Variants in NLGN1 observed in about 807,000 individuals in gnomAD.
NLGN1 encodes neuroligin 1, also known as neuroligin-1.
A neutral mutation model predicts 65.5 loss-of-function variants in NLGN1; 12 were observed. The observed-to-expected ratio is 0.18, with a 90% confidence interval of 0.12 to 0.30. The LOEUF is 0.30. NLGN1 is among the 10% of genes least tolerant of loss of function. The pLI is 1.00. For missense variants in NLGN1, 750 were observed against 1,007.1 expected, an observed-to-expected ratio of 0.74 and a Z score of 3.46; for synonymous variants, 350 against 359.5, an observed-to-expected ratio of 0.97 and a Z score of 0.30.
At chr3:174,176,135 C>G (rs1561221585) in intron 4 of NLGN1, among the ~76,000 whole-genome samples, 1 of 151,746 alleles carries the variant, frequency 6.6e-6, no homozygotes, top group Non-Finnish European at 1.5e-5. Context: ...CTTTATTTTA[C>G]TATGTAATTT....
chr3:173,929,912 C>G (rs925113882), intron 4 of NLGN1, among the ~76,000 whole-genome samples: 2 of 152,060 alleles, frequency 1.3e-5, no homozygotes, highest in Non-Finnish European at 2.9e-5. Flanking sequence ...CCATGTTGGT[C>G]AGGCTGGTCT....
chr3:174,127,726 T>G (rs1400683649), intron 4 of NLGN1, among the ~76,000 whole-genome samples: 1 of 152,156 alleles, frequency 6.6e-6, no homozygotes, highest in Non-Finnish European at 1.5e-5. Flanking sequence ...CTGGCAATTT[T>G]CTTCCCAACT....
In NLGN1 at chr3:174,116,330, C is replaced by CTTTTT. The variant is rs1168837585; in HGVS notation, c.647-158962_647-158958dup. ...ACATGTAAGTTTTTTTCTGGGTTTT[C>CTTTTT]TTTTTTTTTTTTTTTTTTTTTTTTT... On this transcript the variant is annotated intron_variant, in intron 4 of 6. Transcript: ENST00000457714. Among the ~76,000 whole-genome samples the CTTTTT allele has an allele frequency of 8.8e-4, 61 of 69,652 alleles. 22 individuals are homozygous for CTTTTT. Among genetic ancestry groups the CTTTTT allele is most frequent in the East Asian group, 1.4e-3 (3 of 2,152 alleles). The allele number at this position is 69,652 out of a possible 152,430, so 45.7% of individuals were successfully genotyped here.
intron 4 of NLGN1, among the ~76,000 whole-genome samples, chr3:174,212,212 C>G (rs1438175893): frequency 1.3e-5 from 2 of 152,200 alleles, no homozygotes; most frequent in African/African-American, 2.4e-5. Flanking sequence ...GCTGCTGGCC[C>G]GGGTGCTAAG....
rs1718246549 is a variant in NLGN1 at position 173,979,316 on chromosome 3, A to G, written c.646+171484A>G. ...TTTGTTTGATGAGAAACACCTGGGC[A>G]TGTTAAAGGATGATAGGAATAATCC... On this transcript the variant is annotated intron_variant, in intron 4 of 6. Coordinates refer to ENST00000457714, the Ensembl canonical transcript of NLGN1. Among the ~76,000 whole-genome samples the G allele has an allele frequency of 2.0e-5, 3 of 152,126 alleles. No individual in the cohort carries two copies. In the South Asian group the frequency reaches 6.2e-4, roughly 31 times the overall value.
At chr3:174,287,904 A>C (rs752744016), downstream of NLGN1, among the ~76,000 whole-genome samples, 2 of 151,594 alleles carry the variant, frequency 1.3e-5, no homozygotes, top group Non-Finnish European at 3.0e-5. Context: ...CAGGCAGGTT[A>C]GAAGCTAGTG....
At chr3:173,838,096 T>G (rs1046814080) in intron 4 of NLGN1, among the ~76,000 whole-genome samples, 3 of 152,104 alleles carry the variant, frequency 2.0e-5, no homozygotes, top group African/African-American at 7.2e-5. Flanking sequence ...AGAATGAGAT[T>G]TTTTTGATTC....
intron 2 of NLGN1, among the ~76,000 whole-genome samples, chr3:173,510,480 T>C (rs926959095): frequency 6.6e-6 from 1 of 152,206 alleles, no homozygotes; most frequent in African/African-American, 2.4e-5. Context: ...AAGGTTCAGG[T>C]AGATAAATAC....
At chr3:174,213,567 A>G (rs1243894174) in intron 4 of NLGN1, among the ~76,000 whole-genome samples, 2 of 152,208 alleles carry the variant, frequency 1.3e-5, no homozygotes. Context: ...CTTTGTGGTT[A>G]TTCTTTTCTA....
Position 174,278,849 on chromosome 3 carries a change from A to AT in NLGN1, c.860-8dup. ...AAAGATCATCTAAAATTCTTTGTTG[A>AT]TTTTCCCATAGGACTTTTTCAACGA... On this transcript the variant is annotated splice_polypyrimidine_tract_variant and intron_variant, in intron 5 of 6. Transcript: ENST00000457714. 2 of 1,469,006 alleles carry AT rather than the reference A, an allele frequency of 1.4e-6. No homozygotes were observed. 91.0% of individuals were successfully genotyped at this position (1,469,006 alleles called of 1,614,324 possible). A position where few individuals can be genotyped will look rare whatever the true frequency, so the allele number is the denominator to read the frequency against.
At chr3:173,641,006 A>G (rs560755379) in intron 3 of NLGN1, among the ~76,000 whole-genome samples, 153 of 152,232 alleles carry the variant, frequency 1.0e-3, no homozygotes, top group African/African-American at 3.6e-3. Flanking sequence ...TTTTCTCTTC[A>G]TGATTAATAA....
intron 3 of NLGN1, among the ~76,000 whole-genome samples, chr3:173,745,415 TTTAA>T (rs1184378974): frequency 6.6e-6 from 1 of 152,164 alleles, no homozygotes; most frequent in African/African-American, 2.4e-5. Context: ...AATTTACTAA[TTTAA>T]TTAAATAAAT....
chr3:174,086,291 A>ATT, intron 4 of NLGN1, among the ~76,000 whole-genome samples: 2 of 150,832 alleles, frequency 1.3e-5, no homozygotes, highest in East Asian at 3.9e-4. Context: ...ATAAATATAT[A>ATT]TATATTTATG....
intron 4 of NLGN1, among the ~76,000 whole-genome samples, chr3:173,912,267 T>C (rs1212501407): frequency 6.6e-6 from 1 of 152,190 alleles, no homozygotes; most frequent in Admixed American, 6.5e-5. Flanking sequence ...CACTCTTTGA[T>C]TCAACAATTC....
At chr3:173,900,796 A>C (rs937190291) in intron 4 of NLGN1, among the ~76,000 whole-genome samples, 1 of 152,000 alleles carries the variant, frequency 6.6e-6, no homozygotes, top group African/African-American at 2.4e-5. Flanking sequence ...TCCTAGAATG[A>C]CAGTAAAACA....
intron 2 of NLGN1, among the ~76,000 whole-genome samples, chr3:173,525,974 G>T (rs1269677311): frequency 6.6e-6 from 1 of 151,930 alleles, no homozygotes; most frequent in Non-Finnish European, 1.5e-5. Flanking sequence ...TAGTTGATAT[G>T]ATTTTTATTT....
chr3:173,459,869 C>T (rs1723084126), intron 2 of NLGN1, among the ~76,000 whole-genome samples: 1 of 151,814 alleles, frequency 6.6e-6, no homozygotes, highest in African/African-American at 2.4e-5. Context: ...AAATTATAAT[C>T]AGGAGCCTTA....
At chr3:174,014,899 C>G (rs975348083) in intron 4 of NLGN1, among the ~76,000 whole-genome samples, 6 of 152,006 alleles carry the variant, frequency 3.9e-5, no homozygotes, top group African/African-American at 1.4e-4. Context: ...AATCAGGACT[C>G]TTGAAGGAAG....
intron 3 of NLGN1, among the ~76,000 whole-genome samples, chr3:173,761,577 G>A (rs1777980778): frequency 6.6e-6 from 1 of 151,954 alleles, no homozygotes; most frequent in Non-Finnish European, 1.5e-5. Flanking sequence ...TTCATTTTGG[G>A]CAGATTTTAT....
Sources: gnomAD v4.1 joint callset for allele counts (sites outside exome capture counted in the v4.1 genomes callset) on GRCh38, gnomAD v4.1.1 for gene constraint, MANE v1.5 for transcripts, NCBI Gene and HGNC (gene_info 2026-07-23, HGNC 2026-07-21) for gene names.